The following TNNI3K variants were observed in gnomAD, a reference collection of about 807,000 sequenced individuals.
The protein encoded by TNNI3K is serine/threonine-protein kinase TNNI3K.
TNNI3K carries 140 observed loss-of-function variants against 114.5 expected under a neutral mutation model. That is an observed-to-expected ratio of 1.22 (90% CI 1.07 to 1.41). TNNI3K has a LOEUF of 1.41. Ranked by LOEUF, TNNI3K falls within the 40% of genes most tolerant of loss-of-function variation. The pLI, the probability that TNNI3K is intolerant of heterozygous loss-of-function variation, is 0.00. For synonymous variants in TNNI3K, 347 were observed against 347.5 expected (o/e 1.00, Z 0.02); for missense variants, 1,125 against 1,007.6 (o/e 1.12, Z -1.58).
intron 21 of TNNI3K, chr1:74,480,146 G>C (rs771569123): frequency 1.4e-6 from 1 of 712,882 alleles, no homozygotes. Context: ...ACTTCTCCCC[G>C]GCATACCTGC....
chr1:74,258,241 G>A (rs1344042383), intron 4 of TNNI3K, among the ~76,000 whole-genome samples: 1 of 151,938 alleles, frequency 6.6e-6, no homozygotes, highest in Admixed American at 6.6e-5. Context: ...ATACATAATG[G>A]ATCTCCATGC....
intron 21 of TNNI3K, among the ~76,000 whole-genome samples, chr1:74,484,396 G>A (rs940082923): frequency 1.3e-5 from 2 of 152,162 alleles, no homozygotes; most frequent in African/African-American, 2.4e-5. Context: ...TAGAGCAGGG[G>A]CTGACAAGCA....
At chr1:74,436,434 G>A in intron 18 of TNNI3K, 40 bp from the exon 19 acceptor site, 2 of 1,550,736 alleles carry the variant, frequency 1.3e-6, no homozygotes, top group Non-Finnish European at 1.7e-6. Flanking sequence ...TTGGTTTTAA[G>A]ATATTTCCTT....
intron 5 of TNNI3K, among the ~76,000 whole-genome samples, chr1:74,301,833 A>G (rs1195146748): frequency 1.3e-5 from 2 of 152,196 alleles, no homozygotes; most frequent in Non-Finnish European, 2.9e-5. Flanking sequence ...GGTTGACTAG[A>G]ATAAAACTAT....
chr1:74,509,378 T>C (rs1189252455), intron 23 of TNNI3K, among the ~76,000 whole-genome samples: 1 of 152,206 alleles, frequency 6.6e-6, no homozygotes, highest in East Asian at 1.9e-4. Flanking sequence ...CGATAGTCAA[T>C]TGTGAATGTG....
chr1:74,342,972 T>C lies in TNNI3K; in HGVS notation c.813T>C (p.Asp271=). ...VQPHVVNIYG[D]TPLHLACYNG... is the part of the protein sequence containing the mutation. ...CTCATGTTGTTAATATCTATGGAGA[T>C]ACCCCCTTACACCTGTGAGTATTAT... Residue 271 remains aspartate (D), a synonymous_variant, in exon 8 of 25, where the codon GAT becomes GAC. Coordinates refer to ENST00000326637, the MANE Select transcript of TNNI3K (RefSeq NM_015978.3). The C allele has an allele frequency of 6.2e-7, 1 of 1,613,934 alleles. No homozygotes were observed.
intron 23 of TNNI3K, among the ~76,000 whole-genome samples, chr1:74,500,973 ATATAT>A (rs1186575806): frequency 1.3e-5 from 2 of 152,020 alleles, no homozygotes; most frequent in African/African-American, 4.8e-5. Context: ...TTTACTTGTG[ATATAT>A]TATGTTTCCA....
chr1:74,296,207 T>C (rs866924183), intron 5 of TNNI3K, among the ~76,000 whole-genome samples: 31 of 150,164 alleles, frequency 2.1e-4, no homozygotes, highest in Admixed American at 6.0e-4. Context: ...ACCTGGGAGG[T>C]GGAGCTTGCA....
intron 19 of TNNI3K, chr1:74,438,944 G>C (rs1360848041): frequency 6.6e-6 from 1 of 151,998 alleles, no homozygotes; most frequent in Non-Finnish European, 1.5e-5. Context: ...AATATTCTAG[G>C]AACTCCTCGG....
chr1:74,402,531 T>C (rs938489096), intron 17 of TNNI3K, among the ~76,000 whole-genome samples: 1 of 152,252 alleles, frequency 6.6e-6, no homozygotes, highest in Non-Finnish European at 1.5e-5. Context: ...AATACTGATA[T>C]GTGATTCCAT....
chr1:74,506,492 C>A (rs1669909419), intron 23 of TNNI3K, among the ~76,000 whole-genome samples: 1 of 152,166 alleles, frequency 6.6e-6, no homozygotes, highest in Non-Finnish European at 1.5e-5. Flanking sequence ...TGCTCTCATA[C>A]TAATCAGTTG....
intron 4 of TNNI3K, among the ~76,000 whole-genome samples, chr1:74,263,646 G>A (rs1655803557): frequency 6.6e-6 from 1 of 151,670 alleles, no homozygotes; most frequent in South Asian, 2.1e-4. Flanking sequence ...AAAATGGGTT[G>A]AAAATAAATA....
chr1:74,527,302 A>T (rs912917527), intron 23 of TNNI3K, among the ~76,000 whole-genome samples: 1 of 152,260 alleles, frequency 6.6e-6, no homozygotes. Context: ...GAGTAAACAG[A>T]CAAAGATAAA....
At chr1:74,502,179 C>A (rs984897731) in intron 23 of TNNI3K, among the ~76,000 whole-genome samples, 1 of 152,036 alleles carries the variant, frequency 6.6e-6, no homozygotes, top group South Asian at 2.1e-4. Context: ...CTTAGAAAAT[C>A]GTTTTCTTTT....
chr1:74,424,587 C>A (rs776959397), intron 17 of TNNI3K, among the ~76,000 whole-genome samples: 3 of 150,042 alleles, frequency 2.0e-5, no homozygotes, highest in Non-Finnish European at 3.0e-5. Context: ...GGCATGGTGG[C>A]AGGCACCTGA....
At chr1:74,451,042 A>C (rs993487215) in intron 20 of TNNI3K, among the ~76,000 whole-genome samples, 3 of 152,234 alleles carry the variant, frequency 2.0e-5, no homozygotes, top group African/African-American at 7.2e-5. Context: ...AATGTGGTAC[A>C]TATACACCAT....
intron 17 of TNNI3K, among the ~76,000 whole-genome samples, chr1:74,410,373 A>C (rs1664823684): frequency 6.6e-6 from 1 of 152,212 alleles, no homozygotes; most frequent in African/African-American, 2.4e-5. Context: ...GATTAGAACT[A>C]ACATTTTCTA....
At chr1:74,324,009 A>G (rs549796797) in intron 5 of TNNI3K, among the ~76,000 whole-genome samples, 1 of 152,248 alleles carries the variant, frequency 6.6e-6, no homozygotes, top group South Asian at 2.1e-4. Context: ...AGAAGTAGAC[A>G]ATAGTAACAA....
In TNNI3K at chr1:74,472,186, A is replaced by G. The variant is rs532112927; in HGVS notation, c.2121+8636A>G. ...GGGTGTTGCATATCTTCTTCTAAAT[A>G]TGTCACTGCTGATATCTGTGGAACA... On this transcript the variant is annotated intron_variant, in intron 21 of 24. Coordinates refer to ENST00000326637, the MANE Select transcript of TNNI3K (RefSeq NM_015978.3). The G allele has an allele frequency of 2.5e-4, 176 of 716,934 alleles. 1 individual carries two copies. Among genetic ancestry groups the G allele is most frequent in the African/African-American group, 2.4e-3 (140 of 57,352 alleles). 44.4% of individuals were successfully genotyped at this position (716,934 alleles called of 1,614,324 possible).
Sources: gnomAD v4.1 joint callset for allele counts (sites outside exome capture counted in the v4.1 genomes callset) on GRCh38, gnomAD v4.1.1 for gene constraint, MANE v1.5 for transcripts, NCBI Gene and HGNC (gene_info 2026-07-23, HGNC 2026-07-21) for gene names.